DTNB: variants seen among roughly 807,000 people sequenced by gnomAD.
The protein encoded by DTNB is dystrobrevin beta.
In DTNB, 63 loss-of-function variants were observed where a neutral mutation model predicts 90.7. The ratio of observed to expected loss-of-function variants is 0.69; its 90% CI spans 0.57 to 0.86. The LOEUF is 0.86. DTNB is among the 40% of genes least tolerant of loss of function. DTNB has a pLI of 0.00. For missense variants in DTNB, 744 were observed against 807.1 expected (o/e 0.92, Z 0.95); for synonymous variants, 277 against 286.7 (o/e 0.97, Z 0.34).
At chr2:25,643,014 A>G (rs2078675942) in intron 2 of DTNB, among the ~76,000 whole-genome samples, 1 of 152,152 alleles carries the variant, frequency 6.6e-6, no homozygotes, top group South Asian at 2.1e-4. Flanking sequence ...TCAGCCTCGC[A>G]AAGTGCTGGG....
At chr2:25,386,080 G>C in intron 18 of DTNB, 1 of 985,448 alleles carries the variant, frequency 1.0e-6, no homozygotes, top group Non-Finnish European at 1.2e-6. Flanking sequence ...TACAGAGCGG[G>C]GCCGTGCTTC....
chr2:25,639,170 A>G, intron 2 of DTNB, 76 bp from the exon 3 acceptor site: 1 of 1,407,566 alleles, frequency 7.1e-7, no homozygotes, highest in Non-Finnish European at 9.7e-7. Flanking sequence ...ACTCCATTCT[A>G]TTGTATTGTC....
intron 6 of DTNB, among the ~76,000 whole-genome samples, chr2:25,583,361 C>A (rs762071603): frequency 3.3e-5 from 5 of 149,702 alleles, no homozygotes; most frequent in Admixed American, 2.7e-4. Flanking sequence ...AAGTAGCGAA[C>A]AAAATTAAAT....
intron 16 of DTNB, among the ~76,000 whole-genome samples, chr2:25,413,578 C>G (rs1162245043): frequency 6.6e-6 from 1 of 152,098 alleles, no homozygotes; most frequent in Admixed American, 6.5e-5. Flanking sequence ...ATCCATGTCC[C>G]TACAAAGGAC....
chr2:25,523,885 T>TG, intron 9 of DTNB, among the ~76,000 whole-genome samples: 1 of 150,998 alleles, frequency 6.6e-6, no homozygotes, highest in African/African-American at 2.4e-5. Context: ...GGAAGTAACT[T>TG]GGTCATCTGT....
intron 8 of DTNB, among the ~76,000 whole-genome samples, chr2:25,572,234 G>A (rs984315580): frequency 2.6e-5 from 4 of 152,060 alleles, no homozygotes; most frequent in Middle Eastern, 3.2e-3. Flanking sequence ...TTGGGAGGCC[G>A]AGGCAGGTGG....
chr2:25,512,241 A>G (rs2074100297), intron 9 of DTNB, among the ~76,000 whole-genome samples: 1 of 152,120 alleles, frequency 6.6e-6, no homozygotes, highest in Admixed American at 6.5e-5. Context: ...TTGAGTAACT[A>G]CTCTTTGGTT....
At chr2:25,655,828 G>A (rs1255586588) in intron 1 of DTNB, among the ~76,000 whole-genome samples, 2 of 151,994 alleles carry the variant, frequency 1.3e-5, no homozygotes, top group African/African-American at 2.4e-5. Flanking sequence ...GGCATGGCAC[G>A]CCTGACATAC....
At chr2:25,593,725 T>A (rs537827505) in intron 6 of DTNB, among the ~76,000 whole-genome samples, 3 of 152,340 alleles carry the variant, frequency 2.0e-5, no homozygotes, top group East Asian at 3.9e-4. Flanking sequence ...ACTGCACTTT[T>A]AAAAATTTCT....
chr2:25,419,593 C>T, intron 15 of DTNB, 58 bp from the exon 16 acceptor site: 1 of 1,541,538 alleles, frequency 6.5e-7, no homozygotes. Flanking sequence ...AATTAATGCC[C>T]ATTAATGCCC....
chr2:25,594,157 G>A (rs2148383344), intron 6 of DTNB, among the ~76,000 whole-genome samples: 1 of 152,260 alleles, frequency 6.6e-6, no homozygotes, highest in East Asian at 1.9e-4. Context: ...ACACCTGAAG[G>A]ACACTCTTGT....
At chr2:25,408,498 C>T (rs1032878943) in intron 16 of DTNB, among the ~76,000 whole-genome samples, 2 of 129,984 alleles carry the variant, frequency 1.5e-5, no homozygotes, top group Non-Finnish European at 3.1e-5. Flanking sequence ...AAGATCACAC[C>T]ACTGCACTCC....
intron 7 of DTNB, among the ~76,000 whole-genome samples, chr2:25,578,299 T>A (rs1343590282): frequency 6.6e-6 from 1 of 152,180 alleles, no homozygotes; most frequent in Admixed American, 6.5e-5. Context: ...TTTTTTGCCA[T>A]CAAGGTATTT....
At chr2:25,495,854 A>G (rs2068719250) in intron 9 of DTNB, among the ~76,000 whole-genome samples, 1 of 152,262 alleles carries the variant, frequency 6.6e-6, no homozygotes, top group South Asian at 2.1e-4. Flanking sequence ...CGGGAAGTGC[A>G]TTTAAGTTTA....
intron 8 of DTNB, among the ~76,000 whole-genome samples, chr2:25,554,084 G>T (rs187325354): frequency 2.0e-5 from 3 of 152,032 alleles, no homozygotes; most frequent in Admixed American, 6.6e-5. Context: ...CTTGAAATAC[G>T]AATAACTGCT....
rs1177459705 is a variant in DTNB, at chr2:25,526,958, C to A, written c.1001+4515G>T. Reference sequence around the variant, plus strand: ...AAACTGAAAAATACAGACCATTTTCCAGACTAAAAGTAAGTTATAAATTAA... The same window carrying A: ...AAACTGAAAAATACAGACCATTTTCAAGACTAAAAGTAAGTTATAAATTAA... On this transcript the variant is annotated intron_variant, in intron 9 of 20. Coordinates refer to ENST00000406818, the MANE Select transcript of DTNB (RefSeq NM_021907.5). 2.0e-5 allele frequency among the ~76,000 whole-genome samples: 3 copies of A among 151,986 alleles called. No individual in the cohort carries two copies. In the South Asian group the frequency reaches 6.2e-4, roughly 32 times the overall value.
At chr2:25,479,529 TATAAG>T (rs1468876550) in intron 10 of DTNB, among the ~76,000 whole-genome samples, 1 of 152,182 alleles carries the variant, frequency 6.6e-6, no homozygotes, top group Non-Finnish European at 1.5e-5. Flanking sequence ...TCTTTTCAGT[TATAAG>T]ATATCAATTT....
At chr2:25,447,673 T>C (rs554478156) in intron 12 of DTNB, among the ~76,000 whole-genome samples, 3 of 151,558 alleles carry the variant, frequency 2.0e-5, no homozygotes, top group African/African-American at 7.3e-5. Context: ...CCTGGCTAAT[T>C]TTTTTTTGTA....
chr2:25,651,941 T>G (rs2081016361), intron 2 of DTNB, among the ~76,000 whole-genome samples: 1 of 152,208 alleles, frequency 6.6e-6, no homozygotes, highest in African/African-American at 2.4e-5. Context: ...ATTACCCGTA[T>G]TTCATGACAA....
Sources: gnomAD v4.1 joint callset for allele counts (sites outside exome capture counted in the v4.1 genomes callset) on GRCh38, gnomAD v4.1.1 for gene constraint, MANE v1.5 for transcripts, NCBI Gene and HGNC (gene_info 2026-07-23, HGNC 2026-07-21) for gene names.